Variants in DMTN observed in about 807,000 individuals in gnomAD.
DMTN encodes the protein dematin actin binding protein.
Under a neutral mutation model 59.4 loss-of-function variants are expected in DMTN, and 27 were observed. That is an observed-to-expected ratio of 0.45 (90% CI 0.33 to 0.63). The LOEUF (loss-of-function observed/expected upper bound fraction) is 0.63, where lower values mean the gene tolerates loss of function less well. Among genes scored for constraint, DMTN ranks in the 20% least tolerant of loss-of-function variants. The pLI is 0.02. For missense variants in DMTN, 451 were observed against 528.9 expected, an observed-to-expected ratio of 0.85 and a Z score of 1.45; for synonymous variants, 221 against 203.7, an observed-to-expected ratio of 1.08 and a Z score of -0.72.
intron 4 of DMTN, among the ~76,000 whole-genome samples, chr8:22,068,245 T>C (rs1315119566): frequency 6.6e-6 from 1 of 152,188 alleles, no homozygotes; most frequent in East Asian, 1.9e-4. Flanking sequence ...CTCTTCTATT[T>C]GTTTTGAGGC....
At chr8:22,049,271 G>A (rs1272946732), upstream of DMTN, 15 of 151,064 alleles carry the variant, frequency 9.9e-5, no homozygotes, top group African/African-American at 3.6e-4. Context: ...CCGGAAGGGG[G>A]GAGGGGGCGA....
chr8:22,066,673 C>A, intron 1 of DMTN, 32 bp from the exon 2 acceptor site: 1 of 453,048 alleles, frequency 2.2e-6, no homozygotes, highest in Non-Finnish European at 3.5e-6. Flanking sequence ...CTAACGCCGC[C>A]CCGGCGCGGC....
chr8:22,078,798 GT>G (rs1224977627), intron 10 of DMTN, among the ~76,000 whole-genome samples: 41 of 85,094 alleles, frequency 4.8e-4, no homozygotes, highest in African/African-American at 1.6e-3. Flanking sequence ...ATGTCAGACT[GT>G]TTTTTTTTTT....
upstream of DMTN, among the ~76,000 whole-genome samples, chr8:22,051,530 C>T (rs1256843449): frequency 6.6e-6 from 1 of 152,112 alleles, no homozygotes; most frequent in African/African-American, 2.4e-5. Flanking sequence ...ACCGTTTCTC[C>T]TTAAGCCACA....
intron 2 of DMTN, 87 bp downstream of exon 2, chr8:22,066,980 G>A (rs1811167135): frequency 3.2e-6 from 4 of 1,246,910 alleles, no homozygotes; most frequent in South Asian, 5.8e-5. Flanking sequence ...GCCACCCGCC[G>A]CGCAGCGCCG....
chr8:22,071,847 T>C (rs915672753), intron 8 of DMTN, among the ~76,000 whole-genome samples: 3 of 152,248 alleles, frequency 2.0e-5, no homozygotes, highest in African/African-American at 7.2e-5. Context: ...CCCAAAGTGC[T>C]GGGATTACAG....
chr8:22,066,658 G>A (rs1810891009), intron 1 of DMTN, 47 bp from the exon 2 acceptor site: 2 of 391,564 alleles, frequency 5.1e-6, no homozygotes, highest in Non-Finnish European at 4.3e-6. Flanking sequence ...CGGAGGCCCC[G>A]CAGCCTAACG....
chr8:22,066,287 A>G (rs1403122043), intron 1 of DMTN, among the ~76,000 whole-genome samples: 2 of 152,210 alleles, frequency 1.3e-5, no homozygotes, highest in African/African-American at 4.8e-5. Flanking sequence ...GGGATGCAGA[A>G]GCCGGGCTGC....
chr8:22,053,151 T>C (rs1222589245), upstream of DMTN, among the ~76,000 whole-genome samples: 1 of 152,164 alleles, frequency 6.6e-6, no homozygotes, highest in Non-Finnish European at 1.5e-5. Context: ...GAATAGTCCG[T>C]CTACTTGGCT....
upstream of DMTN, among the ~76,000 whole-genome samples, chr8:22,055,716 C>A (rs1455437043): frequency 6.6e-6 from 1 of 152,096 alleles, no homozygotes; most frequent in Non-Finnish European, 1.5e-5. Context: ...CCACCTGCCT[C>A]CTTCCTTCCT....
upstream of DMTN, chr8:22,049,068 A>AGGGGCCGGGGCC (rs200363538): frequency 6.8e-6 from 1 of 147,406 alleles, no homozygotes; most frequent in South Asian, 2.1e-4. Flanking sequence ...GAGCCCCCGG[A>AGGGGCCGGGGCC]GGGGCCGGGG....
chr8:22,081,700 C>G lies in DMTN; in HGVS notation c.*237C>G. 1.7e-6 allele frequency: 1 copy of G among 590,106 alleles called. No individual in the cohort carries two copies. The allele number at this position is 590,106 out of a possible 1,614,324, so 36.6% of individuals were successfully genotyped here. ...CCTCCCTGCACAGGGCAAAGCCAGTCTGGGCTCTGGCACACAGAGTTCATG... is the reference window on the plus strand; with the variant it reads ...CCTCCCTGCACAGGGCAAAGCCAGTGTGGGCTCTGGCACACAGAGTTCATG... On this transcript the variant is annotated 3_prime_UTR_variant, in exon 16 of 16. Transcript: ENST00000358242.
intron 4 of DMTN, 38 bp downstream of exon 4, chr8:22,067,720 C>A: frequency 6.3e-7 from 1 of 1,575,832 alleles, no homozygotes; most frequent in South Asian, 1.1e-5. Flanking sequence ...CCGGGGGAGG[C>A]CCCCCCCAGC....
Position 22,079,774 on chromosome 8 carries a change from T to G in DMTN, c.836-406T>G, listed in dbSNP as rs550814533. 5.9e-5 allele frequency among the ~76,000 whole-genome samples: 9 copies of G among 152,262 alleles called. No individual in the cohort carries two copies. In the South Asian group the frequency reaches 1.9e-3, roughly 32 times the overall value. Reference sequence around the variant, plus strand: ...CACTCCTGGCCAAAAAAAAAATTTTTTTTTTTTAGATTTGATTACTAACAT... The same window carrying G: ...CACTCCTGGCCAAAAAAAAAATTTTGTTTTTTTAGATTTGATTACTAACAT... On this transcript the variant is annotated intron_variant, in intron 10 of 15. Coordinates refer to ENST00000358242, the MANE Select transcript of DMTN (RefSeq NM_001387751.1).
In DMTN at chr8:22,080,693, G is replaced by A. The variant is rs982674725; in HGVS notation, c.957+68G>A. Reference sequence around the variant, plus strand: ...GGGTCCTGGCACCCGAAAGTGTCAGGGGAAGGGGGGTGTGGGGCCACAGAG... The same window carrying A: ...GGGTCCTGGCACCCGAAAGTGTCAGAGGAAGGGGGGTGTGGGGCCACAGAG... On this transcript the variant is annotated intron_variant, in intron 13 of 15. Transcript: ENST00000358242. 30 of 1,583,558 alleles carry A rather than the reference G, an allele frequency of 1.9e-5. No individual in the cohort carries two copies. In the Admixed American group the frequency reaches 5.6e-4, roughly 29 times the overall value.
In DMTN at chr8:22,074,089, A is replaced by G. The variant is rs186570239; in HGVS notation, c.835+254A>G. ...TTACCATGTGCTAGGCACTGGGCATATAAGCAGGGAAAAAATCTAGTCTTG... is the reference window on the plus strand; with the variant it reads ...TTACCATGTGCTAGGCACTGGGCATGTAAGCAGGGAAAAAATCTAGTCTTG... On this transcript the variant is annotated intron_variant, in intron 10 of 15. Coordinates refer to ENST00000358242, the MANE Select transcript of DMTN (RefSeq NM_001387751.1). 1.7e-4 allele frequency among the ~76,000 whole-genome samples: 26 copies of G among 152,346 alleles called. 1 individual carries two copies. The highest frequency in any genetic ancestry group is 9.8e-4 in the Admixed American group (15 of 15,304).
chr8:22,075,786 T>C (rs1439476914), intron 10 of DMTN, among the ~76,000 whole-genome samples: 1 of 152,188 alleles, frequency 6.6e-6, no homozygotes, highest in African/African-American at 2.4e-5. Context: ...CCCAAAGTGC[T>C]GGGATTGCAG....
chr8:22,079,277 A>AATAAATATATATATAT (rs71204534), intron 10 of DMTN, among the ~76,000 whole-genome samples: 28 of 27,662 alleles, frequency 1.0e-3, no homozygotes, highest in African/African-American at 3.3e-3. Context: ...TAAATAAATA[A>AATAAATATATATATAT]ATATATATAT....
chr8:22,078,798 G>GTTTTTTGT (rs1554561330), intron 10 of DMTN, among the ~76,000 whole-genome samples: 4 of 85,092 alleles, frequency 4.7e-5, no homozygotes, highest in Non-Finnish European at 6.3e-5. Flanking sequence ...ATGTCAGACT[G>GTTTTTTGT]TTTTTTTTTT....
Sources: allele counts gnomAD v4.1 joint callset (sites outside exome capture counted in the v4.1 genomes callset), GRCh38; gene constraint gnomAD v4.1.1; transcripts MANE v1.5; gene names NCBI Gene and HGNC (gene_info 2026-07-23, HGNC 2026-07-21).